The following PRKAG2 variants were observed in gnomAD, a reference collection of about 807,000 sequenced individuals.
PRKAG2 encodes protein kinase AMP-activated non-catalytic subunit gamma 2.
In PRKAG2, 26 loss-of-function variants were observed where a neutral mutation model predicts 69.6. The observed-to-expected ratio is 0.37, with a 90% CI of 0.27 to 0.52. The LOEUF is 0.52. PRKAG2 is among the 20% of genes least tolerant of loss of function. The pLI, the probability that PRKAG2 is intolerant of heterozygous loss-of-function variation, is 0.90. For synonymous variants in PRKAG2, 293 were observed against 285.0 expected, an observed-to-expected ratio of 1.03 and a Z score of -0.28; for missense variants, 557 against 740.0, an observed-to-expected ratio of 0.75 and a Z score of 2.87.
chr7:151,677,436 C>G (rs1833115228), intron 3 of PRKAG2, among the ~76,000 whole-genome samples: 1 of 152,226 alleles, frequency 6.6e-6, no homozygotes, highest in African/African-American at 2.4e-5. Context: ...AAGTGATCTG[C>G]CTGCCCCGGC....
intron 6 of PRKAG2, among the ~76,000 whole-genome samples, chr7:151,586,017 T>C (rs1429351898): frequency 6.6e-6 from 1 of 152,202 alleles, no homozygotes; most frequent in Non-Finnish European, 1.5e-5. Flanking sequence ...CTGGGGTACA[T>C]GGGATGGTCC....
At chr7:151,656,754 T>C (rs974041371) in intron 4 of PRKAG2, among the ~76,000 whole-genome samples, 1 of 152,198 alleles carries the variant, frequency 6.6e-6, no homozygotes, top group African/African-American at 2.4e-5. Flanking sequence ...GTTTCCTGAT[T>C]TAAGAATGAA....
intron 3 of PRKAG2, among the ~76,000 whole-genome samples, chr7:151,686,516 C>A (rs540984746): frequency 6.6e-6 from 1 of 152,178 alleles, no homozygotes; most frequent in Non-Finnish European, 1.5e-5. Context: ...GATGCCTCGT[C>A]CCCGGGTACC....
intron 5 of PRKAG2, among the ~76,000 whole-genome samples, chr7:151,605,217 A>G (rs553767592): frequency 2.5e-4 from 38 of 151,294 alleles, no homozygotes; most frequent in Non-Finnish European, 4.3e-4. Flanking sequence ...GGGTTTCACC[A>G]TGTTGGCCAG....
intron 1 of PRKAG2, among the ~76,000 whole-genome samples, chr7:151,804,374 A>G (rs938555542): frequency 2.6e-5 from 4 of 152,182 alleles, no homozygotes; most frequent in Non-Finnish European, 5.9e-5. Context: ...CAGTGCATTT[A>G]TTATTTCTGC....
At chr7:151,734,913 G>T (rs961868981) in intron 3 of PRKAG2, among the ~76,000 whole-genome samples, 2 of 136,292 alleles carry the variant, frequency 1.5e-5, no homozygotes, top group African/African-American at 2.9e-5. Flanking sequence ...GAAGTGCAGT[G>T]GTGTGACCTG....
chr7:151,872,037 C>T (rs937907968), intron 1 of PRKAG2, among the ~76,000 whole-genome samples: 1 of 152,200 alleles, frequency 6.6e-6, no homozygotes, highest in Admixed American at 6.5e-5. Flanking sequence ...ACACCACAGT[C>T]CTCTGAGGCT....
chr7:151,843,599 A>G (rs1326807715), intron 1 of PRKAG2, among the ~76,000 whole-genome samples: 1 of 152,220 alleles, frequency 6.6e-6, no homozygotes. Flanking sequence ...TTCTATTCCC[A>G]GAGCTGAGTA....
chr7:151,724,671 G>GGACCCT (rs528322753), intron 3 of PRKAG2, among the ~76,000 whole-genome samples: 154 of 151,326 alleles, frequency 1.0e-3, no homozygotes, highest in African/African-American at 3.7e-3. Flanking sequence ...CTGTGCTCTC[G>GGACCCT]GACCCTGCGC....
At chr7:151,678,197 T>C (rs1237416876) in intron 3 of PRKAG2, among the ~76,000 whole-genome samples, 1 of 152,228 alleles carries the variant, frequency 6.6e-6, no homozygotes, top group Non-Finnish European at 1.5e-5. Flanking sequence ...TACCACTTAA[T>C]GACAAACTGT....
chr7:151,709,273 CGAT>C (rs1443023193), intron 3 of PRKAG2, among the ~76,000 whole-genome samples: 17 of 150,306 alleles, frequency 1.1e-4, no homozygotes, highest in Admixed American at 8.6e-4. Flanking sequence ...CATTGTGTGA[CGAT>C]GAGGGATGTA....
chr7:151,870,817 C>T (rs1266754944), intron 1 of PRKAG2, among the ~76,000 whole-genome samples: 1 of 152,262 alleles, frequency 6.6e-6, no homozygotes, highest in Non-Finnish European at 1.5e-5. Context: ...GGGGAGGCAC[C>T]GCTGGCAACA....
At chr7:151,704,824 A>AAGGGAGGCACAGGGAG (rs1165283348) in intron 3 of PRKAG2, among the ~76,000 whole-genome samples, 2 of 152,184 alleles carry the variant, frequency 1.3e-5, no homozygotes, top group African/African-American at 4.8e-5. Context: ...GAGTATTGCC[A>AAGGGAGGCACAGGGAG]AGGGAGGCAC....
chr7:151,684,437 GGA>G (rs971357777), intron 3 of PRKAG2, among the ~76,000 whole-genome samples: 2 of 152,232 alleles, frequency 1.3e-5, no homozygotes, highest in Non-Finnish European at 2.9e-5. Context: ...TGGCCTCAGA[GGA>G]GTCAGCTCAG....
chr7:151,663,984 G>A (rs1056955810), intron 4 of PRKAG2, among the ~76,000 whole-genome samples: 9 of 152,218 alleles, frequency 5.9e-5, no homozygotes, highest in South Asian at 2.1e-4. Context: ...GTTGCAGCAT[G>A]AAAACGGCAA....
At chr7:151,847,635 G>A (rs183782915) in intron 1 of PRKAG2, among the ~76,000 whole-genome samples, 1 of 152,278 alleles carries the variant, frequency 6.6e-6, no homozygotes, top group African/African-American at 2.4e-5. Context: ...CCAACACGAC[G>A]ATGAGCTAAC....
At chr7:151,584,471 T>G (rs1014713829) in intron 6 of PRKAG2, among the ~76,000 whole-genome samples, 21 of 151,196 alleles carry the variant, frequency 1.4e-4, no homozygotes, top group African/African-American at 4.9e-4. Context: ...ACTAGAAGGG[T>G]TAGGAAAAAA....
At chr7:151,676,483 A>C (rs946769202) in intron 3 of PRKAG2, among the ~76,000 whole-genome samples, 2 of 152,166 alleles carry the variant, frequency 1.3e-5, no homozygotes, top group African/African-American at 4.8e-5. Flanking sequence ...CAACGGTGTT[A>C]GTGGAGGATT....
At chr7:151,859,271 C>A (rs1024155541) in intron 1 of PRKAG2, among the ~76,000 whole-genome samples, 1 of 152,204 alleles carries the variant, frequency 6.6e-6, no homozygotes. Flanking sequence ...CGGGGCGGGG[C>A]GAGGTGAGGC....
Sources: allele counts gnomAD v4.1 joint callset (sites outside exome capture counted in the v4.1 genomes callset), GRCh38; gene constraint gnomAD v4.1.1; transcripts MANE v1.5; gene names NCBI Gene and HGNC (gene_info 2026-07-23, HGNC 2026-07-21).